ALDH1A3: variants seen among roughly 807,000 people sequenced by gnomAD.
ALDH1A3 encodes aldehyde dehydrogenase 1 family member A3, also known as retinaldehyde dehydrogenase 3.
A neutral mutation model predicts 57.5 loss-of-function variants in ALDH1A3; 28 were observed. The observed-to-expected ratio is 0.49, with a 90% CI of 0.36 to 0.67. The LOEUF is 0.67. Among genes scored for constraint, ALDH1A3 ranks in the 30% least tolerant of loss-of-function variants. ALDH1A3 has a pLI of 0.00. For synonymous variants in ALDH1A3, 281 were observed against 264.8 expected, an observed-to-expected ratio of 1.06 and a Z score of -0.59; for missense variants, 507 against 669.4, an observed-to-expected ratio of 0.76 and a Z score of 2.68.
chr15:100,880,292 C>A, intron 1 of ALDH1A3: 1 of 380,302 alleles, frequency 2.6e-6, no homozygotes, highest in Non-Finnish European at 4.7e-6. Context: ...GAGGCCCCGA[C>A]GTGTCCCTGC....
intron 8 of ALDH1A3, among the ~76,000 whole-genome samples, 165 bp downstream of exon 8, chr15:100,898,350 G>C (rs2041731694): frequency 6.6e-6 from 1 of 152,272 alleles, no homozygotes. Context: ...GCCGCAGACA[G>C]GCAGGTGGAC....
At chr15:100,900,511 C>A (rs1234582838) in intron 8 of ALDH1A3, 64 bp from the exon 9 acceptor site, 5 of 1,452,794 alleles carry the variant, frequency 3.4e-6, no homozygotes, top group South Asian at 1.2e-5. Flanking sequence ...TGTCACCAGT[C>A]CTGCTTTAAC....
chr15:100,913,721 G>A (rs963369285), intron 12 of ALDH1A3: 7 of 152,272 alleles, frequency 4.6e-5, no homozygotes, highest in African/African-American at 1.7e-4. Flanking sequence ...CGATAGTAGG[G>A]CTGGGGGAGG....
In ALDH1A3 at chr15:100,887,357, GATGACACCCAAACTGCAGTCACC is replaced by G. The variant is rs1174950709; in HGVS notation, c.205-214_205-192del. On this transcript the variant is annotated intron_variant, in intron 2 of 12. Transcript: ENST00000329841. The surrounding 1 kb of genome is among the most constrained non-coding windows in gnomAD (Gnocchi z 4.6). ...CACCCAAACTGCAGTCACCTCAAAA[GATGACACCCAAACTGCAGTCACC>G]TCAAAAGATGACACCGAAACTGCAG... 2.3e-4 allele frequency among the ~76,000 whole-genome samples: 33 copies of G among 145,156 alleles called. 1 individual carries two copies. Among genetic ancestry groups the G allele is most frequent in the African/African-American group, 3.9e-4 (16 of 40,912 alleles).
chr15:100,883,840 C>T (rs1054466220), intron 1 of ALDH1A3, among the ~76,000 whole-genome samples: 3 of 152,130 alleles, frequency 2.0e-5, no homozygotes, highest in Admixed American at 2.0e-4. Context: ...AAGACTCATG[C>T]TTAGGAGATG....
intron 4 of ALDH1A3, 71 bp from the exon 5 acceptor site, chr15:100,892,874 T>A: frequency 6.5e-7 from 1 of 1,530,532 alleles, no homozygotes; most frequent in Non-Finnish European, 9.0e-7. Flanking sequence ...CTTTCTTGTC[T>A]TTTTACTACT....
At position 100,886,756 on chromosome 15, in the gene ALDH1A3, A is replaced by G. The variant is rs1051776753; in HGVS notation, c.205-816A>G. ...AAGAAGGTTCCGTTGTGATTATTCT[A>G]TCAGTGCACAAAAGATCCAGTTCTG... On this transcript the variant is annotated intron_variant, in intron 2 of 12. Transcript: ENST00000329841. Among the ~76,000 whole-genome samples the G allele has an allele frequency of 5.3e-5, 8 of 152,334 alleles. No individual in the cohort carries two copies. In the South Asian group the frequency reaches 8.3e-4, roughly 16 times the overall value.
At position 100,884,565 on chromosome 15, in the gene ALDH1A3, G is replaced by GTTTTT. The variant is rs58072985; in HGVS notation, c.100-691_100-687dup. Among the ~76,000 whole-genome samples, 808 of 139,916 alleles carry GTTTTT rather than the reference G, an allele frequency of 5.8e-3. 11 individuals carry two copies. Among genetic ancestry groups the GTTTTT allele is most frequent in the Middle Eastern group, 0.015 (4 of 272 alleles). 91.8% of individuals were successfully genotyped at this position (139,916 alleles called of 152,430 possible). A position where few individuals can be genotyped will look rare whatever the true frequency, so the allele number is the denominator to read the frequency against. Reference sequence around the variant, plus strand: ...TATCAAGCTTCGGAGGTTTTTCTGGGTTTTTTTTTTTTTTTGACATTTTAT... The same window carrying GTTTTT: ...TATCAAGCTTCGGAGGTTTTTCTGGGTTTTTTTTTTTTTTTTTTTTGACATTTTAT... On this transcript the variant is annotated intron_variant, in intron 1 of 12. Transcript: ENST00000329841.
Position 100,880,014 on chromosome 15 carries a change from G to C in ALDH1A3, c.99+8G>C. On this transcript the variant is annotated splice_region_variant and intron_variant, in intron 1 of 12. Transcript: ENST00000329841. ...GAGGTCAAGTTCACCAAGGTGAGGC[G>C]GGCGCCCCTCCCACCCGACGGCCGC... The C allele has an allele frequency of 6.9e-7, 1 of 1,454,306 alleles. No homozygotes were observed. Among genetic ancestry groups the C allele is most frequent in the Non-Finnish European group, 9.1e-7 (1 of 1,098,708 alleles). 90.1% of individuals were successfully genotyped at this position (1,454,306 alleles called of 1,614,324 possible). A position where few individuals can be genotyped will look rare whatever the true frequency, so the allele number is the denominator to read the frequency against.
At chr15:100,911,783 A>T (rs1302432121) in intron 12 of ALDH1A3, among the ~76,000 whole-genome samples, 3 of 152,258 alleles carry the variant, frequency 2.0e-5, no homozygotes, top group Non-Finnish European at 2.9e-5. Flanking sequence ...CAGAAATGAA[A>T]GAATGAGAGG....
At chr15:100,880,096 C>A (rs1209718932) in intron 1 of ALDH1A3, 90 bp downstream of exon 1, 1 of 992,972 alleles carries the variant, frequency 1.0e-6, no homozygotes, top group Non-Finnish European at 1.3e-6. Context: ...AGCAGCGGGC[C>A]GGGGGTCCGC....
chr15:100,896,329 A>T (rs1351862459), intron 7 of ALDH1A3, among the ~76,000 whole-genome samples: 4 of 152,216 alleles, frequency 2.6e-5, no homozygotes, highest in Non-Finnish European at 5.9e-5. Context: ...AGAGATAAAT[A>T]ACAAGCTCAG....
intron 9 of ALDH1A3, 44 bp from the exon 10 acceptor site, chr15:100,905,479 G>T (rs2041812936): frequency 4.3e-6 from 7 of 1,613,524 alleles, no homozygotes; most frequent in Non-Finnish European, 5.9e-6. Flanking sequence ...GGCAGCCACT[G>T]CCCAGAAGGA....
intron 9 of ALDH1A3, among the ~76,000 whole-genome samples, chr15:100,903,982 A>G (rs1349549705): frequency 1.3e-5 from 2 of 151,546 alleles, no homozygotes; most frequent in Non-Finnish European, 2.9e-5. Flanking sequence ...CCCCCACCCC[A>G]TTTTTTTTAC....
rs1191459372 is a variant in ALDH1A3 at position 100,885,351 on chromosome 15, G to C, written c.184G>C (p.Glu62Gln). 4.3e-6 allele frequency: 7 copies of C among 1,611,496 alleles called. No individual in the cohort carries two copies. In the Admixed American group the frequency reaches 1.2e-4, roughly 27 times the overall value. ...CNPSTREQIC[E>Q]VEEGDKPDVD... ...CCCTTCAACTCGGGAGCAAATATGT[G>C]AAGTGGAAGAAGGAGATAAGGTAAA... The change falls in exon 2 of 13, where the codon GAA becomes CAA. Residue 62 changes from glutamate to glutamine, a missense_variant. By Grantham distance (29) the Glu-to-Gln change is conservative. Coordinates refer to ENST00000329841, the MANE Select transcript of ALDH1A3 (RefSeq NM_000693.4).
chr15:100,908,528 A>G (rs773322840), intron 12 of ALDH1A3, 46 bp downstream of exon 12: 1 of 1,519,878 alleles, frequency 6.6e-7, no homozygotes, highest in Non-Finnish European at 9.1e-7. Flanking sequence ...TGAACACTAG[A>G]TCCACTAGAT....
At position 100,887,788 on chromosome 15, in the gene ALDH1A3, A is replaced by G. The variant is rs2141550279; in HGVS notation, c.345+76A>G. The G allele has an allele frequency of 6.8e-7, 1 of 1,475,832 alleles. No individual in the cohort carries two copies. Among genetic ancestry groups the G allele is most frequent in the South Asian group, 1.4e-5 (1 of 71,222 alleles). 91.4% of individuals were successfully genotyped at this position (1,475,832 alleles called of 1,614,324 possible). A position where few individuals can be genotyped will look rare whatever the true frequency, so the allele number is the denominator to read the frequency against. ...GGTCCTGTCCACCATGGGGTATGGG[A>G]AAAAAGATCACGGTCCTGGTTTTGT... On this transcript the variant is annotated intron_variant, in intron 3 of 12. Coordinates refer to ENST00000329841, the MANE Select transcript of ALDH1A3 (RefSeq NM_000693.4). This position sits in a 1 kb window ranked among gnomAD's most constrained non-coding sequence, Gnocchi z 4.6.
Position 100,893,356 on chromosome 15 carries a change from C to T in ALDH1A3, c.537+350C>T, listed in dbSNP as rs1596125001. The T allele has an allele frequency of 1.9e-5, 4 of 208,376 alleles. No homozygotes were observed. In the East Asian group the frequency reaches 4.4e-4, roughly 23 times the overall value. 12.9% of individuals were successfully genotyped at this position (208,376 alleles called of 1,614,324 possible). A position where few individuals can be genotyped will look rare whatever the true frequency, so the allele number is the denominator to read the frequency against. On this transcript the variant is annotated intron_variant, in intron 5 of 12. Coordinates refer to ENST00000329841, the MANE Select transcript of ALDH1A3 (RefSeq NM_000693.4). This position sits in a 1 kb window ranked among gnomAD's most constrained non-coding sequence, Gnocchi z 4.8. ...TTCCAAGGAGTGGGAATGGCCTAGGCAAAAGTGCAGAGGTGGCTGGGCTAC... is the reference window on the plus strand; with the variant it reads ...TTCCAAGGAGTGGGAATGGCCTAGGTAAAAGTGCAGAGGTGGCTGGGCTAC...
intron 8 of ALDH1A3, 63 bp from the exon 9 acceptor site, chr15:100,900,512 C>T: frequency 1.4e-6 from 2 of 1,464,550 alleles, no homozygotes. Context: ...GTCACCAGTC[C>T]TGCTTTAACA....
Sources: gnomAD v4.1 joint callset for allele counts (sites outside exome capture counted in the v4.1 genomes callset) on GRCh38, gnomAD v4.1.1 for gene constraint, Gnocchi (gnomAD v3.1) non-coding constraint, MANE v1.5 for transcripts, NCBI Gene and HGNC (gene_info 2026-07-23, HGNC 2026-07-21) for gene names.